The following USP32 variants were observed in gnomAD, a reference collection of about 807,000 sequenced individuals.
USP32 encodes the protein ubiquitin specific peptidase 32.
A neutral mutation model predicts 204.8 loss-of-function variants in USP32; 59 were observed. The ratio of observed to expected loss-of-function variants is 0.29; its 90% CI spans 0.23 to 0.36. The LOEUF is 0.36. Among genes scored for constraint, USP32 ranks in the 10% least tolerant of loss-of-function variants. The pLI is 1.00. For synonymous variants in USP32, 517 were observed against 678.4 expected, an observed-to-expected ratio of 0.76 and a Z score of 3.70; for missense variants, 1,160 against 1,946.4, an observed-to-expected ratio of 0.60 and a Z score of 7.60.
intron 5 of USP32, among the ~76,000 whole-genome samples, chr17:60,283,613 A>C (rs1010418652): frequency 6.6e-6 from 1 of 152,170 alleles, no homozygotes; most frequent in African/African-American, 2.4e-5. Context: ...CAAGTTAGAC[A>C]CTGGAATTAA....
rs147067023 is a variant in USP32, at chr17:60,414,115, C to A, written c.106+8131G>T. On this transcript the variant is annotated intron_variant, in intron 1 of 3. Coordinates refer to the USP32 transcript ENST00000588898. Reference sequence around the variant, plus strand: ...TGGTGGCTCACGCCTATAATCCCAGCGCTTTGGGAGGCCATGGTGGGCAGA... The same window carrying A: ...TGGTGGCTCACGCCTATAATCCCAGAGCTTTGGGAGGCCATGGTGGGCAGA... 5.1e-3 allele frequency among the ~76,000 whole-genome samples: 777 copies of A among 152,102 alleles called. 6 individuals carry two copies. Among genetic ancestry groups the A allele is most frequent in the Middle Eastern group, 0.01 (3 of 294 alleles).
In USP32 at chr17:60,268,409, A is replaced by T. The variant is rs1351332935; in HGVS notation, c.811+1041T>A. Among the ~76,000 whole-genome samples the T allele has an allele frequency of 5.0e-5, 4 of 80,410 alleles. No individual in the cohort carries two copies. The African/African-American group carries it at 8.0e-4, about 16-fold the overall frequency. The allele number at this position is 80,410 out of a possible 152,430, so 52.8% of individuals were successfully genotyped here. A position where few individuals can be genotyped will look rare whatever the true frequency, so the allele number is the denominator to read the frequency against. On this transcript the variant is annotated intron_variant, in intron 7 of 33. Coordinates refer to ENST00000300896, the MANE Select transcript of USP32 (RefSeq NM_032582.4). ...CATAACAAGACACTATCTCTATTTA[A>T]AAAAAAAAAAAAAATTAGCCAGGCA... is the stretch of plus-strand genomic sequence containing the variant.
At chr17:60,312,969 C>T (rs2087889771) in intron 2 of USP32, among the ~76,000 whole-genome samples, 1 of 152,024 alleles carries the variant, frequency 6.6e-6, no homozygotes, top group Admixed American at 6.5e-5. Flanking sequence ...TGTGGCTGGG[C>T]ACGGTGGCTC....
At chr17:60,254,426 C>T (rs186983885) in intron 10 of USP32, among the ~76,000 whole-genome samples, 2 of 152,206 alleles carry the variant, frequency 1.3e-5, no homozygotes, top group East Asian at 1.9e-4. Context: ...TTGGGCTGGG[C>T]GTGGTGGTTC....
intron 28 of USP32, among the ~76,000 whole-genome samples, chr17:60,191,166 C>A (rs1567753613): frequency 6.6e-6 from 1 of 152,006 alleles, no homozygotes; most frequent in Admixed American, 6.6e-5. Context: ...CTTTGGGAGG[C>A]CGAGGTGGGT....
Position 60,222,521 on chromosome 17 carries a change from C to T in USP32, c.1637G>A (p.Arg546Gln), listed in dbSNP as rs372103553. 1 of 1,613,890 alleles carries T rather than the reference C, an allele frequency of 6.2e-7. No homozygotes were observed. Among genetic ancestry groups the T allele is most frequent in the African/African-American group, 1.3e-5 (1 of 74,872 alleles). Residue 546 changes from arginine (R) to glutamine (Q), a missense_variant, in exon 15 of 34, where the codon CGA becomes CAA. Physicochemically the swap from Arg to Gln is conservative, Grantham distance 43. Around this residue, in one of 8 missense-constraint regions of USP32, gnomAD observed 536 missense variants for 680.9 expected, o/e 0.79. Transcript: ENST00000300896. ...KATSLTLEGG[R>Q]LKRTPQLIHG... ...AATCAGCTGTGGAGTTCGTTTTAAT[C>T]GTCCTCCTTCTAGTGTTAATGATGT... is the stretch of plus-strand genomic sequence containing the variant.
In USP32 at chr17:60,228,379, T is replaced by C. The variant is rs190833011; in HGVS notation, c.1240-2148A>G. ...AATGATCTATGTCAAAAAAGAAGTA[T>C]AAATTAGTCCTAAGTGTTAATTTTC... On this transcript the variant is annotated intron_variant, in intron 12 of 33. Coordinates refer to ENST00000300896, the MANE Select transcript of USP32 (RefSeq NM_032582.4). 1.4e-3 allele frequency among the ~76,000 whole-genome samples: 213 copies of C among 152,258 alleles called. 1 individual carries two copies. Among genetic ancestry groups the C allele is most frequent in the African/African-American group, 4.8e-3 (200 of 41,538 alleles).
Position 60,392,052 on chromosome 17 carries a change from C to T in USP32, c.-113G>A. On this transcript the variant is annotated 5_prime_UTR_variant, in exon 1 of 34. Transcript: ENST00000300896. ...TGACGGTGTCGGCGTCCCCCGCCCC[C>T]ACCTCCCCCCACACTAACAAGTGCG... 1.0e-5 allele frequency: 13 copies of T among 1,253,226 alleles called. No individual in the cohort carries two copies. Among genetic ancestry groups the T allele is most frequent in the Non-Finnish European group, 1.3e-5 (12 of 904,866 alleles). The allele number at this position is 1,253,226 out of a possible 1,614,324, so 77.6% of individuals were successfully genotyped here. A position where few individuals can be genotyped will look rare whatever the true frequency, so the allele number is the denominator to read the frequency against.
intron 11 of USP32, among the ~76,000 whole-genome samples, chr17:60,244,691 G>A (rs1295971094): frequency 6.6e-6 from 1 of 152,166 alleles, no homozygotes; most frequent in African/African-American, 2.4e-5. Flanking sequence ...GAGAGCAGGC[G>A]TTCCATCTCA....
chr17:60,187,299 T>C (rs989947132), intron 29 of USP32, among the ~76,000 whole-genome samples: 10 of 152,182 alleles, frequency 6.6e-5, no homozygotes, highest in African/African-American at 2.2e-4. Flanking sequence ...GCTAAAGAGC[T>C]CATTTAAAAA....
chr17:60,344,010 G>C (rs1196003915), intron 2 of USP32, among the ~76,000 whole-genome samples: 1 of 151,464 alleles, frequency 6.6e-6, no homozygotes, highest in Non-Finnish European at 1.5e-5. Flanking sequence ...CTCCAGCCTG[G>C]GCAACAAGAG....
intron 10 of USP32, among the ~76,000 whole-genome samples, chr17:60,254,325 C>T (rs958133480): frequency 6.6e-6 from 1 of 152,298 alleles, no homozygotes; most frequent in African/African-American, 2.4e-5. Context: ...CCCACTTAAT[C>T]TTTTTTGGAC....
intron 27 of USP32, among the ~76,000 whole-genome samples, chr17:60,195,978 A>G (rs551018707): frequency 3.3e-5 from 5 of 152,314 alleles, no homozygotes; most frequent in African/African-American, 1.2e-4. Flanking sequence ...TTCAGGGTAA[A>G]AAGCCGGCCT....
chr17:60,419,862 T>A (rs11079398), intron 1 of USP32, among the ~76,000 whole-genome samples: 20 of 136,890 alleles, frequency 1.5e-4, no homozygotes, highest in East Asian at 8.4e-4. Flanking sequence ...TTATTATTAT[T>A]TTATTATTAT....
intron 2 of USP32, among the ~76,000 whole-genome samples, chr17:60,306,224 T>C (rs1366186866): frequency 6.6e-6 from 1 of 152,212 alleles, no homozygotes; most frequent in Non-Finnish European, 1.5e-5. Context: ...GGAGTGTGAA[T>C]AGGATAGCAA....
At chr17:60,349,682 C>CAT (rs1180010864) in intron 1 of USP32, among the ~76,000 whole-genome samples, 66 of 123,738 alleles carry the variant, frequency 5.3e-4, no homozygotes, top group Middle Eastern at 4.9e-3. Context: ...TATATACACA[C>CAT]ATATATATAT....
intron 5 of USP32, among the ~76,000 whole-genome samples, chr17:60,271,797 C>T (rs1483479167): frequency 3.3e-5 from 5 of 151,294 alleles, no homozygotes; most frequent in African/African-American, 1.2e-4. Flanking sequence ...TTTACCTGTA[C>T]TGATTTTTTT....
intron 2 of USP32, among the ~76,000 whole-genome samples, chr17:60,329,607 CTCT>C (rs1338811624): frequency 1.3e-5 from 2 of 152,080 alleles, no homozygotes; most frequent in Non-Finnish European, 2.9e-5. Context: ...CATGCCCAGC[CTCT>C]TCTTAAATTT....
intron 29 of USP32, among the ~76,000 whole-genome samples, chr17:60,188,977 G>T (rs1182669095): frequency 6.6e-6 from 1 of 152,210 alleles, no homozygotes; most frequent in African/African-American, 2.4e-5. Context: ...CACGTAGGCC[G>T]TTTCCTATAA....
Sources: gnomAD v4.1 joint callset for allele counts (sites outside exome capture counted in the v4.1 genomes callset) on GRCh38, gnomAD v4.1.1 for gene constraint, gnomAD v4.1.1 regional missense constraint, MANE v1.5 for transcripts, NCBI Gene and HGNC (gene_info 2026-07-23, HGNC 2026-07-21) for gene names.